Variants in SAMD5 observed in about 807,000 individuals in gnomAD.
SAMD5 encodes the protein sterile alpha motif domain-containing protein 5.
SAMD5 carries 13 observed loss-of-function variants against 11.3 expected under a neutral mutation model. The ratio of observed to expected loss-of-function variants is 1.15; its 90% CI spans 0.75 to 1.83. The LOEUF is 1.83. Among genes scored for constraint, SAMD5 ranks in the 40% most tolerant of loss-of-function variants. The pLI is 0.00. For missense variants in SAMD5, 255 were observed against 239.1 expected, an observed-to-expected ratio of 1.07 and a Z score of -0.44; for synonymous variants, 129 against 111.3, an observed-to-expected ratio of 1.16 and a Z score of -1.00.
chr6:147,814,415 A>G, the SAMD5 span, among the ~76,000 whole-genome samples: 18 of 152,286 alleles, frequency 1.2e-4, 1 homozygote, highest in South Asian at 4.1e-4. Flanking sequence ...AAGATTCTAT[A>G]TTTTTTTAGG....
At chr6:147,612,369 G>C (rs781205160) in intron 1 of SAMD5, among the ~76,000 whole-genome samples, 7 of 152,050 alleles carry the variant, frequency 4.6e-5, no homozygotes, top group Non-Finnish European at 7.4e-5. Context: ...TTTTAATTAA[G>C]ACTTTCGCAC....
the SAMD5 span, among the ~76,000 whole-genome samples, chr6:147,745,057 A>G: frequency 0.033 from 5,014 of 152,280 alleles, 107 homozygotes; most frequent in African/African-American, 0.053. Flanking sequence ...AATATCAAGC[A>G]GTTACCATTA....
At chr6:147,931,571 G>C in the SAMD5 span, among the ~76,000 whole-genome samples, 1 of 152,080 alleles carries the variant, frequency 6.6e-6, no homozygotes, top group Non-Finnish European at 1.5e-5. Context: ...TAATTGGGCT[G>C]TTTAAGTCAC....
chr6:147,632,131 C>CT (rs1333530128), intron 1 of SAMD5, among the ~76,000 whole-genome samples: 1 of 151,964 alleles, frequency 6.6e-6, no homozygotes, highest in African/African-American at 2.4e-5. Context: ...ATGCTACCTG[C>CT]TTTTTTAGCT....
At chr6:147,746,596 T>G in the SAMD5 span, among the ~76,000 whole-genome samples, 1 of 152,156 alleles carries the variant, frequency 6.6e-6, no homozygotes, top group African/African-American at 2.4e-5. Context: ...AGCATACAAA[T>G]TTAGTTAAAA....
At chr6:147,536,374 G>A (rs115890379) in intron 1 of SAMD5, among the ~76,000 whole-genome samples, 4 of 152,264 alleles carry the variant, frequency 2.6e-5, no homozygotes, top group African/African-American at 9.6e-5. Context: ...GGAGAAATAA[G>A]GTAGAGAGGA....
chr6:147,927,541 T>C, the SAMD5 span, among the ~76,000 whole-genome samples: 1 of 152,212 alleles, frequency 6.6e-6, no homozygotes, highest in Non-Finnish European at 1.5e-5. Context: ...TGAAACTGTT[T>C]ATTAGCTGAG....
At chr6:147,892,860 A>G in the SAMD5 span, among the ~76,000 whole-genome samples, 1 of 152,170 alleles carries the variant, frequency 6.6e-6, no homozygotes, top group Non-Finnish European at 1.5e-5. Context: ...AAATAATTGT[A>G]ACTGTAGGTC....
At position 147,643,362 on chromosome 6, in the gene SAMD5, A is replaced by T. The variant is rs374758605; in HGVS notation, c.163-93955A>T. Among the ~76,000 whole-genome samples the T allele has an allele frequency of 3.0e-4, 45 of 152,072 alleles. No individual in the cohort carries two copies. The South Asian group carries it at 8.3e-3, about 28-fold the overall frequency. On this transcript the variant is annotated intron_variant, in intron 1 of 1. Transcript: ENST00000566741. ...CATGTGGGTAGATTTTTTCCCCTTA[A>T]TTGTCTATGTTAAAAAGGGGAAAAA...
At chr6:147,878,235 A>T in the SAMD5 span, among the ~76,000 whole-genome samples, 2 of 151,826 alleles carry the variant, frequency 1.3e-5, no homozygotes, top group South Asian at 2.1e-4. Context: ...CCTGGTGAGG[A>T]CCCTCTTCCT....
chr6:147,952,680 T>TC, the SAMD5 span, among the ~76,000 whole-genome samples: 1 of 152,206 alleles, frequency 6.6e-6, no homozygotes, highest in African/African-American at 2.4e-5. Context: ...CCGCGAATTT[T>TC]TTTTGTACTT....
intron 1 of SAMD5, among the ~76,000 whole-genome samples, chr6:147,646,325 C>CA (rs370587474): frequency 1.6e-4 from 25 of 151,818 alleles, no homozygotes; most frequent in Non-Finnish European, 2.8e-4. Context: ...GGCCCTATCG[C>CA]AAAAAAATAA....
intron 1 of SAMD5, among the ~76,000 whole-genome samples, chr6:147,622,365 T>C (rs1430499372): frequency 6.6e-6 from 1 of 152,246 alleles, no homozygotes. Context: ...TTTTCTATTG[T>C]GGTTTTTTGA....
At chr6:147,713,347 T>C (rs1011959138) in intron 1 of SAMD5, among the ~76,000 whole-genome samples, 4 of 152,192 alleles carry the variant, frequency 2.6e-5, no homozygotes, top group Admixed American at 6.5e-5. Flanking sequence ...CCTTGATTTA[T>C]ATACCCTGGG....
At position 147,607,216 on chromosome 6, in the gene SAMD5, C is replaced by T. The variant is rs996164283; in HGVS notation, c.162+97829C>T. Reference sequence around the variant, plus strand: ...AAAAAATGGAAAAATATTGCATGTTCATGGATTGGAAAAATCAATATTGTT... The same window carrying T: ...AAAAAATGGAAAAATATTGCATGTTTATGGATTGGAAAAATCAATATTGTT... On this transcript the variant is annotated intron_variant, in intron 1 of 1. Transcript: ENST00000566741. Among the ~76,000 whole-genome samples, 8 of 152,090 alleles carry T rather than the reference C, an allele frequency of 5.3e-5. 1 individual carries two copies. Among genetic ancestry groups the T allele is most frequent in the African/African-American group, 1.4e-4 (6 of 41,422 alleles).
At chr6:147,742,150 TAAC>T (rs1024629417), downstream of SAMD5, among the ~76,000 whole-genome samples, 7 of 152,200 alleles carry the variant, frequency 4.6e-5, no homozygotes, top group African/African-American at 1.4e-4. Flanking sequence ...AAAAATGTAA[TAAC>T]AACAAAATTG....
At chr6:147,916,979 C>T in the SAMD5 span, among the ~76,000 whole-genome samples, 1 of 148,562 alleles carries the variant, frequency 6.7e-6, no homozygotes, top group South Asian at 2.2e-4. Flanking sequence ...GGGTTGGTTC[C>T]AAGTCTTTGC....
At chr6:147,840,402 C>T in the SAMD5 span, among the ~76,000 whole-genome samples, 1 of 152,168 alleles carries the variant, frequency 6.6e-6, no homozygotes, top group Non-Finnish European at 1.5e-5. Flanking sequence ...CTATTCTGGG[C>T]AGAGGTTCAA....
At chr6:147,533,601 G>A (rs776367824) in intron 1 of SAMD5, among the ~76,000 whole-genome samples, 5 of 152,164 alleles carry the variant, frequency 3.3e-5, no homozygotes, top group South Asian at 2.1e-4. Flanking sequence ...GAGTCCAGCC[G>A]AATGAGGAGC....
Sources: allele counts gnomAD v4.1 joint callset (sites outside exome capture counted in the v4.1 genomes callset), GRCh38; gene constraint gnomAD v4.1.1; transcripts MANE v1.5; gene names NCBI Gene and HGNC (gene_info 2026-07-23, HGNC 2026-07-21).